Variants in CLCN3 observed in about 807,000 individuals in gnomAD.
The protein encoded by CLCN3 is Cl-/H+ antiporter 3.
In CLCN3, 16 loss-of-function variants were observed where a neutral mutation model predicts 83.4. The observed-to-expected ratio is 0.19, with a 90% CI of 0.13 to 0.29. The LOEUF is 0.29. Among genes scored for constraint, CLCN3 ranks in the 10% least tolerant of loss-of-function variants. The probability of loss-of-function intolerance (pLI) is 1.00; values close to 1 mark genes in which losing one functional copy is unlikely to be tolerated. For synonymous variants in CLCN3, 322 were observed against 346.2 expected (o/e 0.93, Z 0.78); for missense variants, 544 against 1,006.0 (o/e 0.54, Z 6.21).
chr4:169,697,354 C>T lies in CLCN3; in HGVS notation c.1183C>T (p.Leu395Phe). Residue 395 changes from leucine (L) to phenylalanine (F), a missense_variant, in exon 9 of 13, where the codon CTT becomes TTT. Physicochemically the swap from Leu to Phe is conservative, Grantham distance 22 (BLOSUM62 0). This residue lies in a region of CLCN3 where 194 missense variants were observed against 341.4 expected (regional missense o/e 0.57). Transcript: ENST00000513761. ...WYLFELFPFILLGVFGGLWGA... is the reference protein window; with the variant it reads ...WYLFELFPFIFLGVFGGLWGA... ...CCTTTTTGAACTGTTTCCTTTTATT[C>T]TTCTAGGGGTATTTGGAGGGCTTTG... 2 of 1,613,840 alleles carry T rather than the reference C, an allele frequency of 1.2e-6. No individual in the cohort carries two copies. Among genetic ancestry groups the T allele is most frequent in the African/African-American group, 1.3e-5 (1 of 74,934 alleles).
rs141585804 is a variant in CLCN3 at position 169,626,407 on chromosome 4, G to A, written c.-17+5344G>A. ...ACAGTCAACAACTGTGTAGAAATGT[G>A]ATTGGACAAAAAGAGTATGACCTAA... is the stretch of plus-strand genomic sequence containing the variant. On this transcript the variant is annotated intron_variant, in intron 1 of 12. Coordinates refer to ENST00000513761, the MANE Select transcript of CLCN3 (RefSeq NM_001829.4). Among the ~76,000 whole-genome samples the A allele has an allele frequency of 5.0e-3, 758 of 152,316 alleles. 6 individuals carry two copies. In the Middle Eastern group the frequency reaches 0.072, roughly 14 times the overall value.
In CLCN3 at chr4:169,620,950, G is replaced by C. The variant is rs1773096798; in HGVS notation, c.-130G>C. 2.5e-6 allele frequency: 1 copy of C among 398,414 alleles called. No individual in the cohort carries two copies. The allele number at this position is 398,414 out of a possible 1,614,324, so 24.7% of individuals were successfully genotyped here. A position where few individuals can be genotyped will look rare whatever the true frequency, so the allele number is the denominator to read the frequency against. On this transcript the variant is annotated 5_prime_UTR_variant, in exon 1 of 13. Coordinates refer to ENST00000513761, the MANE Select transcript of CLCN3 (RefSeq NM_001829.4). ...AATCGCGATAGTTTTCGCTGTGTCA[G>C]GCTTTCTTCGGTGGAGCTCCGAGGG...
At chr4:169,674,095 A>C (rs1157589512) in intron 2 of CLCN3, among the ~76,000 whole-genome samples, 1 of 152,202 alleles carries the variant, frequency 6.6e-6, no homozygotes, top group Non-Finnish European at 1.5e-5. Context: ...TGTGTCCTTT[A>C]GTACAAAAGA....
chr4:169,706,007 A>C (rs1732973869), intron 10 of CLCN3, among the ~76,000 whole-genome samples: 1 of 152,040 alleles, frequency 6.6e-6, no homozygotes, highest in Non-Finnish European at 1.5e-5. Context: ...ATCCTAAAAA[A>C]TACAAAGTAA....
intron 2 of CLCN3, among the ~76,000 whole-genome samples, chr4:169,642,366 A>G (rs1030145575): frequency 1.3e-5 from 2 of 152,216 alleles, no homozygotes; most frequent in East Asian, 1.9e-4. Flanking sequence ...TGTTCAGCAG[A>G]CACCCTATTA....
At chr4:169,705,775 A>G (rs1397869990) in intron 10 of CLCN3, among the ~76,000 whole-genome samples, 1 of 152,200 alleles carries the variant, frequency 6.6e-6, no homozygotes, top group Non-Finnish European at 1.5e-5. Context: ...AAAGAGCAAC[A>G]CAGTAAAAGT....
chr4:169,698,540 CA>C (rs1732656310), intron 9 of CLCN3, among the ~76,000 whole-genome samples: 1 of 152,284 alleles, frequency 6.6e-6, no homozygotes, highest in African/African-American at 2.4e-5. Flanking sequence ...AGAAGTCTTG[CA>C]GCGTGACTTG....
At chr4:169,689,388 T>G (rs776868010) in intron 5 of CLCN3, among the ~76,000 whole-genome samples, 158 bp downstream of exon 5, 36 of 152,250 alleles carry the variant, frequency 2.4e-4, no homozygotes, top group Non-Finnish European at 4.8e-4. Context: ...AGTGCAATAT[T>G]GTTTCAAGTA....
chr4:169,679,197 GCTC>G (rs1237009645), intron 2 of CLCN3, among the ~76,000 whole-genome samples: 1 of 149,366 alleles, frequency 6.7e-6, no homozygotes, highest in Middle Eastern at 3.6e-3. Flanking sequence ...GGGCAGAGAC[GCTC>G]CTCACCTCCC....
At chr4:169,672,830 A>G (rs770992870) in intron 2 of CLCN3, among the ~76,000 whole-genome samples, 4 of 151,162 alleles carry the variant, frequency 2.6e-5, no homozygotes, top group Non-Finnish European at 4.4e-5. Context: ...CGCCCAGCTA[A>G]TTTTTTTTAT....
In CLCN3 at chr4:169,680,242, G is replaced by A. The variant is rs1428063517; in HGVS notation, c.318+35G>A. ...TTTAGTAAAAATTTTTAAAAACATA[G>A]TGCATAATTAGATCTTTTAATAATA... On this transcript the variant is annotated intron_variant, in intron 3 of 12. Transcript: ENST00000513761. 2.7e-6 allele frequency: 4 copies of A among 1,471,714 alleles called. No individual in the cohort carries two copies. The Admixed American group carries it at 5.7e-5, about 21-fold the overall frequency. The allele number at this position is 1,471,714 out of a possible 1,614,324, so 91.2% of individuals were successfully genotyped here.
chr4:169,717,427 G>A (rs1260665445), intron 12 of CLCN3, among the ~76,000 whole-genome samples: 1 of 152,076 alleles, frequency 6.6e-6, no homozygotes, highest in Non-Finnish European at 1.5e-5. Flanking sequence ...TTTCCTCTGA[G>A]GAAAGAACAT....
chr4:169,633,339 A>T lies in CLCN3; in HGVS notation c.-16-2574A>T, dbSNP rs1773426826. Among the ~76,000 whole-genome samples the T allele has an allele frequency of 2.0e-5, 3 of 152,328 alleles. No individual in the cohort carries two copies. The South Asian group carries it at 6.2e-4, about 32-fold the overall frequency. On this transcript the variant is annotated intron_variant, in intron 1 of 12. Transcript: ENST00000513761. ...CTCTAATTTTTATAATTTTGTAAGA[A>T]TATATTTACAAGCTACTGTGTATCT...
intron 3 of CLCN3, among the ~76,000 whole-genome samples, chr4:169,687,096 T>C (rs143058423): frequency 1.1e-4 from 17 of 152,328 alleles, no homozygotes; most frequent in African/African-American, 3.6e-4. Context: ...TTAAAGAACA[T>C]TATAATCCAC....
At chr4:169,684,383 G>C (rs973079705) in intron 3 of CLCN3, among the ~76,000 whole-genome samples, 2 of 152,114 alleles carry the variant, frequency 1.3e-5, no homozygotes, top group African/African-American at 4.8e-5. Context: ...TTTTTTGCTT[G>C]TTTGGTTGTT....
At chr4:169,656,873 C>G (rs564317940) in intron 2 of CLCN3, among the ~76,000 whole-genome samples, 1 of 151,970 alleles carries the variant, frequency 6.6e-6, no homozygotes, top group African/African-American at 2.4e-5. Flanking sequence ...GCTAGGGGGT[C>G]GAAGCTTCAG....
At chr4:169,677,982 A>C (rs1432610790) in intron 2 of CLCN3, among the ~76,000 whole-genome samples, 1 of 152,202 alleles carries the variant, frequency 6.6e-6, no homozygotes, top group African/African-American at 2.4e-5. Flanking sequence ...ACATGTGTCA[A>C]AGATTTATTT....
intron 2 of CLCN3, among the ~76,000 whole-genome samples, chr4:169,636,356 G>A (rs1389281983): frequency 6.6e-6 from 1 of 152,094 alleles, no homozygotes; most frequent in East Asian, 1.9e-4. Flanking sequence ...TAAATATAAT[G>A]TAATACAGAG....
At chr4:169,633,141 T>C (rs1048614191) in intron 1 of CLCN3, among the ~76,000 whole-genome samples, 19 of 152,108 alleles carry the variant, frequency 1.2e-4, no homozygotes, top group Non-Finnish European at 2.5e-4. Context: ...GGCTCCTTAG[T>C]AGCTGGGGTT....
Sources: gnomAD v4.1 joint callset for allele counts (sites outside exome capture counted in the v4.1 genomes callset) on GRCh38, gnomAD v4.1.1 for gene constraint, gnomAD v4.1.1 regional missense constraint, MANE v1.5 for transcripts, NCBI Gene and HGNC (gene_info 2026-07-23, HGNC 2026-07-21) for gene names.